Variants in ESRRG observed in about 807,000 individuals in gnomAD.
ESRRG encodes estrogen-related receptor gamma.
In ESRRG, 13 loss-of-function variants were observed where a neutral mutation model predicts 44.0. The observed-to-expected ratio is 0.30, with a 90% CI of 0.19 to 0.47. ESRRG has a LOEUF of 0.47. Ranked by LOEUF, ESRRG falls within the 20% of genes least tolerant of loss-of-function variation. ESRRG has a pLI of 1.00. For missense variants in ESRRG, 395 were observed against 580.6 expected (o/e 0.68, Z 3.29); for synonymous variants, 215 against 214.6 (o/e 1.00, Z -0.02).
chr1:217,135,082 G>A (rs1403390078), intron 1 of ESRRG, among the ~76,000 whole-genome samples: 1 of 152,192 alleles, frequency 6.6e-6, no homozygotes, highest in Non-Finnish European at 1.5e-5. Context: ...GCACCGCAGA[G>A]GGATGGTGCC....
intron 6 of ESRRG, 47 bp downstream of exon 6, chr1:216,519,105 C>T: frequency 6.4e-7 from 1 of 1,566,564 alleles, no homozygotes; most frequent in Non-Finnish European, 8.7e-7. Context: ...AGGGGTAAAA[C>T]TGACATATTA....
At chr1:216,567,945 G>A (rs1247520297) in intron 4 of ESRRG, 43 bp downstream of exon 4, 2 of 1,306,198 alleles carry the variant, frequency 1.5e-6, no homozygotes, top group Non-Finnish European at 2.2e-6. Context: ...CCAACTGGGA[G>A]GATTTCGTGT....
At chr1:216,724,330 C>A (rs1400008638), upstream of ESRRG, among the ~76,000 whole-genome samples, 1 of 149,544 alleles carries the variant, frequency 6.7e-6, no homozygotes, top group African/African-American at 2.5e-5. Context: ...AATTAAATCT[C>A]TCTCGATGCA....
chr1:216,616,321 C>T (rs2061422663), intron 3 of ESRRG, among the ~76,000 whole-genome samples: 3 of 152,246 alleles, frequency 2.0e-5, no homozygotes, highest in Admixed American at 6.5e-5. Context: ...TACTCTGAAC[C>T]ATTTGGGGGA....
At chr1:216,815,493 T>C (rs562064745) in intron 2 of ESRRG, among the ~76,000 whole-genome samples, 2 of 152,210 alleles carry the variant, frequency 1.3e-5, no homozygotes, top group East Asian at 3.9e-4. Context: ...ACACACCTAA[T>C]CCAGAAAATT....
intron 2 of ESRRG, among the ~76,000 whole-genome samples, chr1:216,924,482 T>C (rs1488383068): frequency 6.6e-6 from 1 of 152,010 alleles, no homozygotes; most frequent in Non-Finnish European, 1.5e-5. Context: ...GGGCTTTGGC[T>C]TCTTCTGGTT....
intron 1 of ESRRG, among the ~76,000 whole-genome samples, chr1:217,103,426 A>T (rs2092546693): frequency 6.6e-6 from 1 of 151,514 alleles, no homozygotes; most frequent in Non-Finnish European, 1.5e-5. Context: ...TAGGAGGATC[A>T]CTTGAGGTCA....
chr1:216,841,495 C>T (rs886570564), intron 2 of ESRRG, among the ~76,000 whole-genome samples: 3 of 152,118 alleles, frequency 2.0e-5, no homozygotes, highest in African/African-American at 7.2e-5. Flanking sequence ...GCAAAAACAG[C>T]TGCCAACTTC....
At chr1:216,743,647 C>T (rs1170535170) in intron 2 of ESRRG, among the ~76,000 whole-genome samples, 1 of 147,666 alleles carries the variant, frequency 6.8e-6, no homozygotes, top group Non-Finnish European at 1.5e-5. Flanking sequence ...CCATCATCTT[C>T]ACTGTTGTCA....
intron 1 of ESRRG, among the ~76,000 whole-genome samples, chr1:216,943,047 C>G (rs1277442312): frequency 2.5e-5 from 2 of 80,928 alleles, no homozygotes; most frequent in Admixed American, 1.1e-4. Context: ...GGCATATAAA[C>G]TTATTACAAA....
intron 1 of ESRRG, among the ~76,000 whole-genome samples, chr1:216,695,938 T>C (rs1185506957): frequency 6.6e-6 from 1 of 152,196 alleles, no homozygotes; most frequent in Admixed American, 6.5e-5. Context: ...GGCAATTTCC[T>C]TATGAGAACA....
At chr1:216,785,376 C>T (rs191317101) in intron 2 of ESRRG, among the ~76,000 whole-genome samples, 20 of 152,018 alleles carry the variant, frequency 1.3e-4, no homozygotes, top group Admixed American at 1.1e-3. Context: ...GGAATAGACA[C>T]GCAGCTTGCA....
chr1:216,658,810 G>T (rs2071357269), intron 2 of ESRRG, among the ~76,000 whole-genome samples: 1 of 150,050 alleles, frequency 6.7e-6, no homozygotes. Context: ...CCCAGCCTGG[G>T]TGTGAAAGCA....
chr1:217,110,553 A>C (rs954325100), intron 1 of ESRRG, among the ~76,000 whole-genome samples: 1 of 152,174 alleles, frequency 6.6e-6, no homozygotes. Context: ...CTTGGCTTCT[A>C]GGGAAGCCTT....
intron 1 of ESRRG, among the ~76,000 whole-genome samples, chr1:216,968,763 G>A (rs774079652): frequency 4.8e-5 from 7 of 146,150 alleles, no homozygotes; most frequent in Non-Finnish European, 1.0e-4. Flanking sequence ...AGACTAACTT[G>A]CTGAAATTTT....
At chr1:217,100,703 C>A (rs1198323196) in intron 1 of ESRRG, among the ~76,000 whole-genome samples, 1 of 152,156 alleles carries the variant, frequency 6.6e-6, no homozygotes, top group African/African-American at 2.4e-5. Flanking sequence ...GAAGGGTGAG[C>A]CAGCACATCA....
At position 217,131,834 on chromosome 1, in the gene ESRRG, G is replaced by A. The variant is rs545417363; in HGVS notation, c.-230+5833C>T. Among the ~76,000 whole-genome samples the A allele has an allele frequency of 3.9e-5, 6 of 152,336 alleles. No individual in the cohort carries two copies. In the South Asian group the frequency reaches 8.3e-4, roughly 21 times the overall value. ...AAATTCCTTGTCAAAGAGTCACTTA[G>A]TTCTCTGGGTTCTCCCTAATTCCTT... On this transcript the variant is annotated intron_variant, in intron 1 of 8. Transcript: ENST00000366940.
chr1:216,684,853 T>C (rs368288952), intron 1 of ESRRG, among the ~76,000 whole-genome samples: 2 of 152,240 alleles, frequency 1.3e-5, no homozygotes, highest in South Asian at 4.1e-4. Flanking sequence ...ATGTAATCAA[T>C]ATTATTGAGG....
chr1:216,728,337 T>C (rs533133614), upstream of ESRRG, among the ~76,000 whole-genome samples: 2 of 152,168 alleles, frequency 1.3e-5, no homozygotes, highest in Non-Finnish European at 2.9e-5. Context: ...CTTAAAATAT[T>C]CCTATAGAAA....
Sources: gnomAD v4.1 joint callset for allele counts (sites outside exome capture counted in the v4.1 genomes callset) on GRCh38, gnomAD v4.1.1 for gene constraint, MANE v1.5 for transcripts, NCBI Gene and HGNC (gene_info 2026-07-23, HGNC 2026-07-21) for gene names.